Variants in SLIT3 observed in about 807,000 individuals in gnomAD.
SLIT3 encodes the protein slit homolog 3 protein.
In SLIT3, 68 loss-of-function variants were observed where a neutral mutation model predicts 184.0. The observed-to-expected ratio is 0.37, with a 90% CI of 0.30 to 0.45. The LOEUF is 0.45. SLIT3 is among the 20% of genes least tolerant of loss of function. The probability of loss-of-function intolerance (pLI) is 1.00; values close to 1 mark genes in which losing one functional copy is unlikely to be tolerated. For synonymous variants in SLIT3, 831 were observed against 828.6 expected, an observed-to-expected ratio of 1.00 and a Z score of -0.05; for missense variants, 1,707 against 2,026.0, an observed-to-expected ratio of 0.84 and a Z score of 3.02.
chr5:169,300,106 C>CGCCTTGA lies in SLIT3; in HGVS notation c.197+400_197+406dup, dbSNP rs1372460634. On this transcript the variant is annotated intron_variant, in intron 1 of 35. Coordinates refer to ENST00000519560, the MANE Select transcript of SLIT3 (RefSeq NM_003062.4). This position sits in a 1 kb window ranked among gnomAD's most constrained non-coding sequence, Gnocchi z 4.1. ...TCTCGGGCCCTCTCTCCCGCCTCCG[C>CGCCTTGA]GCCTTGACGGCCCATCATCCTATAG... Among the ~76,000 whole-genome samples the CGCCTTGA allele has an allele frequency of 6.6e-6, 1 of 152,268 alleles. No homozygotes were observed. The highest frequency in any genetic ancestry group is 2.4e-5 in the African/African-American group (1 of 41,470).
chr5:168,986,432 T>C (rs1323273943), intron 4 of SLIT3, among the ~76,000 whole-genome samples: 1 of 152,072 alleles, frequency 6.6e-6, no homozygotes, highest in Non-Finnish European at 1.5e-5. Flanking sequence ...TTGGGTACCA[T>C]GATGCTTTTC....
chr5:169,216,343 A>G lies in SLIT3; in HGVS notation c.342-22793T>C, dbSNP rs114789205. On this transcript the variant is annotated intron_variant, in intron 3 of 35. Coordinates refer to ENST00000519560, the MANE Select transcript of SLIT3 (RefSeq NM_003062.4). Reference sequence around the variant, plus strand: ...TGCTCTGGGCCCCAGTGACCCTTTGAGCTCCATTCCGTCCCTTTTCCCTTC... The same window carrying G: ...TGCTCTGGGCCCCAGTGACCCTTTGGGCTCCATTCCGTCCCTTTTCCCTTC... Among the ~76,000 whole-genome samples, 459 of 152,282 alleles carry G rather than the reference A, an allele frequency of 3.0e-3. 3 individuals are homozygous for G. Among genetic ancestry groups the G allele is most frequent in the African/African-American group, 0.01 (425 of 41,546 alleles).
At chr5:169,060,881 G>T (rs1450800778) in intron 4 of SLIT3, among the ~76,000 whole-genome samples, 2 of 152,192 alleles carry the variant, frequency 1.3e-5, no homozygotes, top group Non-Finnish European at 2.9e-5. Context: ...CTAGCTGTCT[G>T]CTCATGCTGA....
At chr5:169,004,159 G>GA (rs1222154174) in intron 4 of SLIT3, among the ~76,000 whole-genome samples, 89 of 147,968 alleles carry the variant, frequency 6.0e-4, no homozygotes, top group Admixed American at 1.5e-3. Context: ...ACTGTTTTGG[G>GA]AAAAAAAAAA....
At position 168,707,824 on chromosome 5, in the gene SLIT3, A is replaced by G. The variant is rs1762420201; in HGVS notation, c.2844+152T>C. 1.1e-5 allele frequency: 9 copies of G among 856,236 alleles called. No homozygotes were observed. The East Asian group carries it at 2.4e-4, about 23-fold the overall frequency. 53.0% of individuals were successfully genotyped at this position (856,236 alleles called of 1,614,324 possible). A position where few individuals can be genotyped will look rare whatever the true frequency, so the allele number is the denominator to read the frequency against. ...GTTCAGAGAACAGTGTTACTGGCAAATGCTGCTTTGGAGTGGTGACCTGTG... is the reference window on the plus strand; with the variant it reads ...GTTCAGAGAACAGTGTTACTGGCAAGTGCTGCTTTGGAGTGGTGACCTGTG... On this transcript the variant is annotated intron_variant, in intron 26 of 35. Coordinates refer to ENST00000519560, the MANE Select transcript of SLIT3 (RefSeq NM_003062.4).
chr5:169,159,761 G>C (rs1014023458), intron 4 of SLIT3, among the ~76,000 whole-genome samples: 4 of 152,166 alleles, frequency 2.6e-5, no homozygotes, highest in African/African-American at 9.7e-5. Context: ...GGGTGACAGA[G>C]CAAGACTCCG....
At chr5:168,752,924 G>A (rs757633876) in intron 18 of SLIT3, 31 bp downstream of exon 18, 3 of 1,610,846 alleles carry the variant, frequency 1.9e-6, no homozygotes, top group Non-Finnish European at 2.5e-6. Flanking sequence ...GGATCCCAGA[G>A]TCCGTGGGCA....
rs370468247 is a variant in SLIT3 at position 168,823,346 on chromosome 5, A to G, written c.558-15T>C. The G allele has an allele frequency of 4.4e-6, 7 of 1,602,664 alleles. No individual in the cohort carries two copies. Among genetic ancestry groups the G allele is most frequent in the Non-Finnish European group, 5.1e-6 (6 of 1,169,878 alleles). On this transcript the variant is annotated splice_polypyrimidine_tract_variant and intron_variant, in intron 6 of 35. Coordinates refer to ENST00000519560, the MANE Select transcript of SLIT3 (RefSeq NM_003062.4). Reference sequence around the variant, plus strand: ...TGTTGAGGGTACTGTGGAGATAGACAAGGGAGATGGTCAGCCAGGCAGCAG... The same window carrying G: ...TGTTGAGGGTACTGTGGAGATAGACGAGGGAGATGGTCAGCCAGGCAGCAG...
At chr5:169,058,557 G>A (rs568520503) in intron 4 of SLIT3, among the ~76,000 whole-genome samples, 1 of 152,330 alleles carries the variant, frequency 6.6e-6, no homozygotes, top group Admixed American at 6.5e-5. Context: ...TGTGTTTTAT[G>A]AATGAAATCC....
intron 11 of SLIT3, among the ~76,000 whole-genome samples, chr5:168,788,347 T>A (rs1172962265): frequency 1.3e-5 from 2 of 152,152 alleles, no homozygotes; most frequent in Non-Finnish European, 2.9e-5. Flanking sequence ...ATCTGAGACT[T>A]CCCAGTCCTC....
chr5:169,217,128 G>GT (rs1303332456), intron 3 of SLIT3, among the ~76,000 whole-genome samples: 2 of 81,908 alleles, frequency 2.4e-5, no homozygotes, highest in African/African-American at 5.8e-5. Flanking sequence ...CCTTGAGTAG[G>GT]TTAAAAAAAA....
At chr5:168,883,432 T>C in intron 4 of SLIT3, 96 bp from the exon 5 acceptor site, 1 of 931,650 alleles carries the variant, frequency 1.1e-6, no homozygotes, top group Non-Finnish European at 1.7e-6. Context: ...CCCAGGCTGC[T>C]GCCTCTGCGG....
chr5:169,126,355 CAGAG>C (rs965245492), intron 4 of SLIT3, among the ~76,000 whole-genome samples: 5 of 152,158 alleles, frequency 3.3e-5, no homozygotes, highest in Non-Finnish European at 5.9e-5. Context: ...GAAAGAGAGA[CAGAG>C]AGAGATGTGA....
chr5:169,117,776 C>G (rs966208718), intron 4 of SLIT3, among the ~76,000 whole-genome samples: 3 of 152,220 alleles, frequency 2.0e-5, no homozygotes, highest in African/African-American at 7.2e-5. Context: ...CTCTGTTTCT[C>G]CTATACAAGG....
chr5:169,147,539 A>C (rs1281806502), intron 4 of SLIT3, among the ~76,000 whole-genome samples: 1 of 152,216 alleles, frequency 6.6e-6, no homozygotes, highest in African/African-American at 2.4e-5. Context: ...GATTACAGTC[A>C]TGAGCCACCA....
intron 4 of SLIT3, among the ~76,000 whole-genome samples, chr5:168,990,260 C>A (rs1215508610): frequency 6.6e-6 from 1 of 152,206 alleles, no homozygotes; most frequent in South Asian, 2.1e-4. Context: ...TTCCCTGCAT[C>A]CCCAGTCAAC....
At chr5:168,670,774 C>T (rs989915919) in intron 34 of SLIT3, among the ~76,000 whole-genome samples, 4 of 152,146 alleles carry the variant, frequency 2.6e-5, no homozygotes, top group African/African-American at 4.8e-5. Context: ...AGGCCTGGCA[C>T]GTAGTAGGAC....
At chr5:169,277,295 A>T (rs1766842338) in intron 1 of SLIT3, among the ~76,000 whole-genome samples, 1 of 152,118 alleles carries the variant, frequency 6.6e-6, no homozygotes, top group South Asian at 2.1e-4. Flanking sequence ...CAGTGGCATG[A>T]TCATGGCTCA....
intron 4 of SLIT3, among the ~76,000 whole-genome samples, chr5:169,052,249 T>C (rs531794210): frequency 6.6e-6 from 1 of 152,324 alleles, no homozygotes; most frequent in Non-Finnish European, 1.5e-5. Flanking sequence ...TTTTTCTTTC[T>C]TTTCCTGAGT....
Sources: gnomAD v4.1 joint callset for allele counts (sites outside exome capture counted in the v4.1 genomes callset) on GRCh38, gnomAD v4.1.1 for gene constraint, Gnocchi (gnomAD v3.1) non-coding constraint, MANE v1.5 for transcripts, NCBI Gene and HGNC (gene_info 2026-07-23, HGNC 2026-07-21) for gene names.